LRRTM4: variants seen among roughly 807,000 people sequenced by gnomAD.
LRRTM4 encodes leucine rich repeat transmembrane neuronal 4, also known as leucine-rich repeat transmembrane neuronal protein 4.
Under a neutral mutation model 47.6 loss-of-function variants are expected in LRRTM4, and 25 were observed. The observed-to-expected ratio is 0.53, with a 90% confidence interval of 0.38 to 0.73. The LOEUF (loss-of-function observed/expected upper bound fraction) is 0.73. Among genes scored for constraint, LRRTM4 ranks in the 30% least tolerant of loss-of-function variants. The pLI, the probability that LRRTM4 is intolerant of heterozygous loss-of-function variation, is 0.00. For synonymous variants in LRRTM4, 311 were observed against 269.5 expected (o/e 1.15, Z -1.51); for missense variants, 638 against 713.4 (o/e 0.89, Z 1.20).
intron 3 of LRRTM4, among the ~76,000 whole-genome samples, chr2:76,876,114 A>G (rs1423838738): frequency 1.3e-5 from 2 of 152,168 alleles, no homozygotes; most frequent in African/African-American, 4.8e-5. Context: ...AGAATTACAT[A>G]CACACAGTAA....
At chr2:77,489,704 A>C (rs928798357) in intron 3 of LRRTM4, among the ~76,000 whole-genome samples, 1 of 152,232 alleles carries the variant, frequency 6.6e-6, no homozygotes, top group African/African-American at 2.4e-5. Context: ...GGACAGACCA[A>C]TGTGACAAAA....
At chr2:77,497,492 CA>C (rs1451642404) in intron 3 of LRRTM4, among the ~76,000 whole-genome samples, 2 of 151,114 alleles carry the variant, frequency 1.3e-5, no homozygotes, top group African/African-American at 4.8e-5. Flanking sequence ...TGGGACTCTA[CA>C]ATAAGAATCT....
chr2:77,117,424 G>A (rs1287388270), intron 3 of LRRTM4, among the ~76,000 whole-genome samples: 1 of 151,674 alleles, frequency 6.6e-6, no homozygotes, highest in Non-Finnish European at 1.5e-5. Context: ...TATAAAAATT[G>A]AAGAAATCCA....
chr2:77,224,214 A>T (rs1482826506), intron 3 of LRRTM4, among the ~76,000 whole-genome samples: 1 of 151,796 alleles, frequency 6.6e-6, no homozygotes, highest in Non-Finnish European at 1.5e-5. Context: ...TTAATTCAAG[A>T]TGGATTAAAG....
intron 3 of LRRTM4, among the ~76,000 whole-genome samples, chr2:76,755,995 A>G (rs1366723259): frequency 1.3e-5 from 2 of 152,158 alleles, no homozygotes; most frequent in African/African-American, 4.8e-5. Context: ...TAAAAAAGCT[A>G]TCATAAGACT....
chr2:77,401,104 A>G (rs563806274), intron 3 of LRRTM4, among the ~76,000 whole-genome samples: 1 of 151,974 alleles, frequency 6.6e-6, no homozygotes, highest in East Asian at 1.9e-4. Context: ...TTATAGAAAA[A>G]TATTGCTGGT....
intron 3 of LRRTM4, among the ~76,000 whole-genome samples, chr2:76,805,666 C>G (rs1485157810): frequency 6.6e-6 from 1 of 152,062 alleles, no homozygotes; most frequent in Non-Finnish European, 1.5e-5. Flanking sequence ...TAATGCTAAA[C>G]CAGAGTTGAG....
intron 3 of LRRTM4, among the ~76,000 whole-genome samples, chr2:76,925,937 T>C (rs1422201062): frequency 6.6e-6 from 1 of 152,160 alleles, no homozygotes; most frequent in Non-Finnish European, 1.5e-5. Context: ...GTTGTCATAG[T>C]TGCTCTCCCC....
intron 3 of LRRTM4, among the ~76,000 whole-genome samples, chr2:76,788,173 G>T (rs1674780491): frequency 6.6e-6 from 1 of 152,122 alleles, no homozygotes; most frequent in Non-Finnish European, 1.5e-5. Flanking sequence ...TAAATAAATA[G>T]TTCCAGTAGA....
intron 3 of LRRTM4, among the ~76,000 whole-genome samples, chr2:77,013,979 T>C (rs1323130631): frequency 6.6e-6 from 1 of 152,218 alleles, no homozygotes; most frequent in Non-Finnish European, 1.5e-5. Flanking sequence ...TGGTTCCTTA[T>C]GGAAAATAAA....
chr2:77,044,934 T>G (rs533535000), intron 3 of LRRTM4, among the ~76,000 whole-genome samples: 2 of 151,770 alleles, frequency 1.3e-5, no homozygotes, highest in Non-Finnish European at 2.9e-5. Flanking sequence ...TATGTGTATA[T>G]GTGTGTGTGT....
At chr2:77,314,120 T>G (rs1320770315) in intron 3 of LRRTM4, among the ~76,000 whole-genome samples, 1 of 152,190 alleles carries the variant, frequency 6.6e-6, no homozygotes, top group Non-Finnish European at 1.5e-5. Context: ...CACGCATATT[T>G]TAGATCAAGC....
At chr2:77,502,303 C>A (rs1372587053) in intron 3 of LRRTM4, among the ~76,000 whole-genome samples, 1 of 150,806 alleles carries the variant, frequency 6.6e-6, no homozygotes, top group East Asian at 1.9e-4. Flanking sequence ...TAAATTTTTG[C>A]TTTTATGTAT....
intron 3 of LRRTM4, among the ~76,000 whole-genome samples, chr2:77,237,975 G>A (rs544707187): frequency 6.6e-6 from 1 of 152,198 alleles, no homozygotes; most frequent in East Asian, 1.9e-4. Flanking sequence ...TAATAAACTG[G>A]TTGCTATGGG....
intron 3 of LRRTM4, among the ~76,000 whole-genome samples, chr2:77,139,504 A>C (rs556760869): frequency 6.6e-6 from 1 of 152,266 alleles, no homozygotes; most frequent in South Asian, 2.1e-4. Context: ...ATTTATGACA[A>C]ACCCACAGCC....
Position 77,518,502 on chromosome 2 carries a change from T to C in LRRTM4, c.1367A>G (p.Gln456Arg). Residue 456 changes from glutamine (Q) to arginine (R), a missense_variant, in exon 3 of 4, where the codon CAA (glutamine) becomes CGA (arginine). Gln to Arg is a conservative substitution (Grantham distance 43). Coordinates refer to ENST00000409884, the MANE Select transcript of LRRTM4 (RefSeq NM_001134745.3). Reference protein sequence around the residue: ...SWKRYPASMKQLQQHSLMKRR... With the variant: ...SWKRYPASMKRLQQHSLMKRR... ...CTTCATAAGAGAGTGTTGCTGGAGT[T>C]GTTTCATGCTGGCTGGGTAGCGTTT... 4 of 1,613,454 alleles carry C rather than the reference T, an allele frequency of 2.5e-6. No homozygotes were observed. The highest frequency in any genetic ancestry group is 3.4e-6 in the Non-Finnish European group (4 of 1,179,634).
intron 3 of LRRTM4, among the ~76,000 whole-genome samples, chr2:77,295,972 C>T (rs1484950668): frequency 6.6e-6 from 1 of 152,146 alleles, no homozygotes; most frequent in Non-Finnish European, 1.5e-5. Flanking sequence ...ATAATATAAC[C>T]TGTCGAATAT....
Position 76,748,776 on chromosome 2 carries a change from C to G in LRRTM4, c.1692G>C (p.Glu564Asp), listed in dbSNP as rs547419420. Residue 564 changes from glutamate (E) to aspartate (D), a missense_variant, in exon 4 of 4, where the codon GAG becomes GAC. Coordinates refer to ENST00000409884, the MANE Select transcript of LRRTM4 (RefSeq NM_001134745.3). ...SPEQDESPGL[E>D]LGRDHSFIAT... ...CGATGAAGCTGTGGTCTCGGCCCAG[C>G]TCCAGGCCGGGGCTTTCGTCCTGCT... The G allele has an allele frequency of 6.2e-7, 1 of 1,613,998 alleles. No individual in the cohort carries two copies. The highest frequency in any genetic ancestry group is 1.3e-5 in the African/African-American group (1 of 75,034).
intron 3 of LRRTM4, among the ~76,000 whole-genome samples, chr2:77,103,474 A>G (rs973691105): frequency 3.3e-5 from 5 of 152,102 alleles, no homozygotes; most frequent in African/African-American, 1.2e-4. Context: ...ATGAGAAAGC[A>G]CTTGTTCGCT....
Sources: gnomAD v4.1 joint callset for allele counts (sites outside exome capture counted in the v4.1 genomes callset) on GRCh38, gnomAD v4.1.1 for gene constraint, MANE v1.5 for transcripts, NCBI Gene and HGNC (gene_info 2026-07-23, HGNC 2026-07-21) for gene names.